The following SUGCT variants were observed in gnomAD, a reference collection of about 807,000 sequenced individuals.
SUGCT encodes succinyl-CoA:glutarate CoA-transferase.
A neutral mutation model predicts 55.0 loss-of-function variants in SUGCT; 41 were observed. That is an observed-to-expected ratio of 0.74 (90% CI 0.58 to 0.97). SUGCT has a LOEUF of 0.97. Among genes scored for constraint, SUGCT ranks in the 50% least tolerant of loss-of-function variants. SUGCT has a pLI of 0.00. For missense variants in SUGCT, 568 were observed against 547.8 expected, an observed-to-expected ratio of 1.04 and a Z score of -0.37; for synonymous variants, 187 against 200.4, an observed-to-expected ratio of 0.93 and a Z score of 0.56.
chr7:40,270,534 G>A (rs898639509), intron 7 of SUGCT, among the ~76,000 whole-genome samples: 1 of 152,108 alleles, frequency 6.6e-6, no homozygotes, highest in East Asian at 1.9e-4. Context: ...AAAAGTAATT[G>A]GATGTAAATG....
the SUGCT span, among the ~76,000 whole-genome samples, chr7:40,908,929 A>G: frequency 6.6e-6 from 1 of 152,188 alleles, no homozygotes; most frequent in African/African-American, 2.4e-5. Flanking sequence ...TTTTTAAATG[A>G]CCATGGATGG....
intron 9 of SUGCT, among the ~76,000 whole-genome samples, chr7:40,414,615 C>T (rs754830952): frequency 1.3e-5 from 2 of 152,062 alleles, no homozygotes; most frequent in Non-Finnish European, 2.9e-5. Flanking sequence ...AAAAAAAATT[C>T]GGCCATGTTG....
the SUGCT span, among the ~76,000 whole-genome samples, chr7:41,015,990 C>A: frequency 6.6e-6 from 1 of 152,288 alleles, no homozygotes; most frequent in Non-Finnish European, 1.5e-5. Context: ...TCAGCGAGAA[C>A]AGTGAACCAC....
intron 8 of SUGCT, among the ~76,000 whole-genome samples, chr7:40,315,295 G>A (rs1439682522): frequency 6.6e-6 from 1 of 152,188 alleles, no homozygotes; most frequent in African/African-American, 2.4e-5. Context: ...GGGCATTTTT[G>A]CTACAAAATG....
intron 1 of SUGCT, among the ~76,000 whole-genome samples, chr7:40,172,235 G>C (rs1163015764): frequency 6.6e-6 from 1 of 152,178 alleles, no homozygotes; most frequent in Non-Finnish European, 1.5e-5. Flanking sequence ...TATTGCAGTG[G>C]GGGAAGCTGG....
intron 1 of SUGCT, among the ~76,000 whole-genome samples, chr7:40,137,098 G>C (rs1291876533): frequency 6.6e-6 from 1 of 152,080 alleles, no homozygotes; most frequent in African/African-American, 2.4e-5. Context: ...GGGCAGAAAA[G>C]TGAGAGTGGT....
chr7:40,415,079 T>C (rs1786910646), intron 9 of SUGCT, among the ~76,000 whole-genome samples: 1 of 142,538 alleles, frequency 7.0e-6, no homozygotes, highest in African/African-American at 2.6e-5. Flanking sequence ...TATCTATCTA[T>C]CTATCTATCT....
chr7:40,473,735 C>T (rs145942941), intron 11 of SUGCT, among the ~76,000 whole-genome samples: 1 of 152,260 alleles, frequency 6.6e-6, no homozygotes, highest in East Asian at 1.9e-4. Flanking sequence ...CAAATAACCC[C>T]CTTGGGGCAT....
chr7:40,181,871 C>A, intron 2 of SUGCT, 84 bp from the exon 3 acceptor site: 1 of 836,886 alleles, frequency 1.2e-6, no homozygotes, highest in Non-Finnish European at 1.9e-6. Flanking sequence ...ATGAGCGTGT[C>A]TGTGTTGACG....
chr7:40,601,844 C>G (rs188555806), intron 12 of SUGCT, among the ~76,000 whole-genome samples: 2 of 152,162 alleles, frequency 1.3e-5, no homozygotes, highest in South Asian at 2.1e-4. Context: ...ATTGGACACC[C>G]TTTTTCTAAG....
chr7:40,785,221 A>T (rs1243050255), intron 13 of SUGCT: 1 of 152,232 alleles, frequency 6.6e-6, no homozygotes, highest in African/African-American at 2.4e-5. Context: ...CCTGGAGAAG[A>T]TGGCTGTTCT....
At chr7:40,971,073 C>T in the SUGCT span, among the ~76,000 whole-genome samples, 4 of 152,174 alleles carry the variant, frequency 2.6e-5, no homozygotes, top group South Asian at 2.1e-4. Context: ...AATTGGCTCA[C>T]GGCTCTGCAG....
intron 12 of SUGCT, among the ~76,000 whole-genome samples, chr7:40,583,972 A>G (rs1202227657): frequency 6.6e-6 from 1 of 152,074 alleles, no homozygotes; most frequent in Non-Finnish European, 1.5e-5. Context: ...ATACACTTAC[A>G]TCTCTCTATA....
intron 12 of SUGCT, among the ~76,000 whole-genome samples, chr7:40,736,237 ATAATATATAATATATTATAATATT>A (rs1375521402): frequency 4.4e-5 from 3 of 68,442 alleles, no homozygotes; most frequent in Non-Finnish European, 7.4e-5. Flanking sequence ...ATATCAATAT[ATAATATATAATATATTATAATATT>A]TCAATATATA....
intron 12 of SUGCT, among the ~76,000 whole-genome samples, chr7:40,571,143 C>T (rs1259347521): frequency 6.6e-6 from 1 of 152,106 alleles, no homozygotes; most frequent in Non-Finnish European, 1.5e-5. Context: ...ATTTGACTTA[C>T]AATAAAAGAT....
chr7:40,460,614 G>A (rs1277680614), intron 11 of SUGCT, among the ~76,000 whole-genome samples: 1 of 152,150 alleles, frequency 6.6e-6, no homozygotes, highest in Admixed American at 6.5e-5. Flanking sequence ...GAGAAGAACA[G>A]ATCCCAAGAA....
chr7:40,952,466 AT>A, the SUGCT span, among the ~76,000 whole-genome samples: 412 of 152,248 alleles, frequency 2.7e-3, 2 homozygotes, highest in African/African-American at 9.2e-3. Flanking sequence ...TAAAATTAAT[AT>A]TGTTATATCT....
intron 1 of SUGCT, among the ~76,000 whole-genome samples, chr7:40,149,168 T>C (rs1207433801): frequency 6.6e-6 from 1 of 152,120 alleles, no homozygotes; most frequent in Non-Finnish European, 1.5e-5. Context: ...AAAATAAGCA[T>C]GTAGCTTATT....
At chr7:40,561,860 T>A (rs1795857179) in intron 12 of SUGCT, among the ~76,000 whole-genome samples, 1 of 151,222 alleles carries the variant, frequency 6.6e-6, no homozygotes, top group African/African-American at 2.4e-5. Flanking sequence ...CCTGGTTAAT[T>A]TTTGTATTTT....
Sources: allele counts gnomAD v4.1 joint callset (sites outside exome capture counted in the v4.1 genomes callset), GRCh38; gene constraint gnomAD v4.1.1; transcripts MANE v1.5; gene names NCBI Gene and HGNC (gene_info 2026-07-23, HGNC 2026-07-21).